The following CDH13 variants were observed in gnomAD, a reference collection of about 807,000 sequenced individuals.
CDH13 encodes the protein cadherin 13, also known as cadherin-13.
Under a neutral mutation model 63.8 loss-of-function variants are expected in CDH13, and 24 were observed. That is an observed-to-expected ratio of 0.38 (90% CI 0.27 to 0.53). The LOEUF (loss-of-function observed/expected upper bound fraction) is 0.53. CDH13 is among the 20% of genes least tolerant of loss of function. CDH13 has a pLI of 0.85. For synonymous variants in CDH13, 503 were observed against 355.3 expected (o/e 1.42, Z -4.67); for missense variants, 1,049 against 903.1 (o/e 1.16, Z -2.07).
intron 1 of CDH13, among the ~76,000 whole-genome samples, chr16:82,838,594 C>A (rs954083766): frequency 6.6e-6 from 1 of 152,186 alleles, no homozygotes; most frequent in Non-Finnish European, 1.5e-5. Flanking sequence ...CAAATCTCAT[C>A]TTTCCTCAAT....
chr16:83,683,385 A>T (rs1263746809), intron 10 of CDH13, among the ~76,000 whole-genome samples: 1 of 152,224 alleles, frequency 6.6e-6, no homozygotes, highest in Non-Finnish European at 1.5e-5. Context: ...TCATCATCTC[A>T]GACAAGGAAA....
chr16:83,601,505 G>C (rs1303564987), intron 7 of CDH13, among the ~76,000 whole-genome samples: 7 of 152,156 alleles, frequency 4.6e-5, no homozygotes, highest in Admixed American at 6.5e-5. Context: ...ACATGTGACA[G>C]CCTGTGCGAC....
chr16:83,468,377 A>C (rs1206982994), intron 6 of CDH13, among the ~76,000 whole-genome samples: 1 of 152,170 alleles, frequency 6.6e-6, no homozygotes, highest in Admixed American at 6.5e-5. Flanking sequence ...GCATATGGTA[A>C]GGAAGAGACC....
At chr16:82,682,924 G>A (rs1914698603) in intron 1 of CDH13, among the ~76,000 whole-genome samples, 1 of 152,118 alleles carries the variant, frequency 6.6e-6, no homozygotes, top group Non-Finnish European at 1.5e-5. Flanking sequence ...CCACAGTTCA[G>A]GCTGGTCCTA....
intron 3 of CDH13, among the ~76,000 whole-genome samples, chr16:83,086,793 G>C (rs953781005): frequency 6.6e-6 from 1 of 152,190 alleles, no homozygotes; most frequent in South Asian, 2.1e-4. Context: ...ACTGGGCACA[G>C]TAAAATTTGC....
chr16:83,548,481 C>G (rs746606659), intron 7 of CDH13, among the ~76,000 whole-genome samples: 1 of 152,172 alleles, frequency 6.6e-6, no homozygotes, highest in Non-Finnish European at 1.5e-5. Context: ...GTTGAGAAAC[C>G]TGGCTTCAGA....
intron 2 of CDH13, among the ~76,000 whole-genome samples, chr16:82,865,871 T>C (rs549857499): frequency 1.1e-4 from 16 of 152,360 alleles, no homozygotes; most frequent in African/African-American, 3.8e-4. Flanking sequence ...GTGCTTCCCT[T>C]TTAAATAAAA....
chr16:83,277,767 A>T (rs1378879767), intron 5 of CDH13, among the ~76,000 whole-genome samples: 2 of 152,184 alleles, frequency 1.3e-5, no homozygotes, highest in African/African-American at 4.8e-5. Flanking sequence ...AGGAAAATAC[A>T]GTTTTTAATT....
At chr16:82,929,851 A>G (rs1485081474) in intron 2 of CDH13, among the ~76,000 whole-genome samples, 2 of 151,650 alleles carry the variant, frequency 1.3e-5, no homozygotes, top group Non-Finnish European at 2.9e-5. Context: ...ACCAAGAAAC[A>G]TACCTGTAGA....
chr16:83,163,186 C>A (rs1327122224), intron 4 of CDH13, among the ~76,000 whole-genome samples: 1 of 152,134 alleles, frequency 6.6e-6, no homozygotes, highest in African/African-American at 2.4e-5. Context: ...GTGAGGCTTC[C>A]CCAGCCACAT....
chr16:82,746,664 G>T (rs1481025456), intron 1 of CDH13, among the ~76,000 whole-genome samples: 7 of 151,660 alleles, frequency 4.6e-5, no homozygotes, highest in Non-Finnish European at 8.8e-5. Context: ...TCAAGTAAGT[G>T]GTTTACTTAA....
At chr16:83,153,420 C>T (rs1489404294) in intron 4 of CDH13, among the ~76,000 whole-genome samples, 1 of 152,082 alleles carries the variant, frequency 6.6e-6, no homozygotes, top group Non-Finnish European at 1.5e-5. Context: ...TTACAGCCTC[C>T]AGCTGCATGA....
chr16:82,698,901 TCTTTTC>T (rs79350731), intron 1 of CDH13, among the ~76,000 whole-genome samples: 7,494 of 152,242 alleles, frequency 0.049, 282 homozygotes, highest in South Asian at 0.11. Context: ...TTTTTTTACT[TCTTTTC>T]CTTTTCTTAT....
intron 1 of CDH13, among the ~76,000 whole-genome samples, chr16:82,702,620 A>T (rs1359330813): frequency 1.3e-5 from 2 of 152,202 alleles, no homozygotes; most frequent in African/African-American, 4.8e-5. Context: ...CATTTGGATT[A>T]TTCTTTCCCC....
chr16:83,411,004 G>A (rs1052303737), intron 6 of CDH13, among the ~76,000 whole-genome samples: 24 of 152,232 alleles, frequency 1.6e-4, no homozygotes, highest in African/African-American at 5.1e-4. Flanking sequence ...ACCCATGTCC[G>A]TGCGTGCTTT....
intron 5 of CDH13, among the ~76,000 whole-genome samples, chr16:83,310,878 G>T (rs2089985105): frequency 6.6e-6 from 1 of 152,212 alleles, no homozygotes; most frequent in African/African-American, 2.4e-5. Context: ...AACTGAGCCA[G>T]TTTGGAGGCT....
At chr16:83,386,296 C>T (rs1463457135) in intron 6 of CDH13, among the ~76,000 whole-genome samples, 1 of 152,180 alleles carries the variant, frequency 6.6e-6, no homozygotes, top group Non-Finnish European at 1.5e-5. Context: ...CAGACAAAAC[C>T]AGCATCAGGA....
intron 5 of CDH13, among the ~76,000 whole-genome samples, chr16:83,247,775 A>G (rs577974304): frequency 2.6e-5 from 4 of 152,272 alleles, no homozygotes; most frequent in South Asian, 2.1e-4. Flanking sequence ...GGACAAACCA[A>G]TAACACTTCT....
At chr16:83,133,751 G>A (rs185642671) in intron 4 of CDH13, among the ~76,000 whole-genome samples, 90 of 152,228 alleles carry the variant, frequency 5.9e-4, no homozygotes, top group African/African-American at 1.7e-3. Context: ...CACCTGCCTC[G>A]GCTGCCCAAA....
Sources: gnomAD v4.1 joint callset for allele counts (sites outside exome capture counted in the v4.1 genomes callset) on GRCh38, gnomAD v4.1.1 for gene constraint, MANE v1.5 for transcripts, NCBI Gene and HGNC (gene_info 2026-07-23, HGNC 2026-07-21) for gene names.